Variants in TPD52 observed in about 807,000 individuals in gnomAD.
TPD52 encodes tumor protein D52, also known as prostate and colon associated protein.
In TPD52, 17 loss-of-function variants were observed where a neutral mutation model predicts 31.3. The observed-to-expected ratio is 0.54, with a 90% CI of 0.37 to 0.82. The LOEUF (loss-of-function observed/expected upper bound fraction) is 0.82. Among genes scored for constraint, TPD52 ranks in the 40% least tolerant of loss-of-function variants. The pLI, the probability that TPD52 is intolerant of heterozygous loss-of-function variation, is 0.00. For synonymous variants in TPD52, 83 were observed against 89.6 expected, an observed-to-expected ratio of 0.93 and a Z score of 0.42; for missense variants, 212 against 240.1, an observed-to-expected ratio of 0.88 and a Z score of 0.77.
At chr8:80,144,616 AG>A (rs1810067203) in intron 1 of TPD52, among the ~76,000 whole-genome samples, 1 of 152,196 alleles carries the variant, frequency 6.6e-6, no homozygotes, top group African/African-American at 2.4e-5. Context: ...TGGTCTTCCC[AG>A]GGAAGTTCAT....
chr8:80,077,984 T>C (rs1814790376), intron 1 of TPD52, among the ~76,000 whole-genome samples: 1 of 152,224 alleles, frequency 6.6e-6, no homozygotes, highest in African/African-American at 2.4e-5. Context: ...ACATCACATA[T>C]AGTAAGGAGA....
intron 1 of TPD52, among the ~76,000 whole-genome samples, chr8:80,069,604 A>G (rs1813544334): frequency 6.6e-6 from 1 of 152,234 alleles, no homozygotes; most frequent in Middle Eastern, 3.2e-3. Context: ...CAGCCTGGGC[A>G]ACGTGGTGAA....
chr8:80,088,377 T>A (rs1217109737), intron 1 of TPD52, among the ~76,000 whole-genome samples: 1 of 152,234 alleles, frequency 6.6e-6, no homozygotes, highest in East Asian at 1.9e-4. Flanking sequence ...CATTAGAATT[T>A]ATTTAATCCC....
chr8:80,044,427 C>A lies in TPD52; in HGVS notation c.414-219G>T, dbSNP rs74875812. Among the ~76,000 whole-genome samples the A allele has an allele frequency of 6.0e-3, 908 of 152,282 alleles. 11 individuals carry two copies. Among genetic ancestry groups the A allele is most frequent in the African/African-American group, 0.021 (878 of 41,550 alleles). On this transcript the variant is annotated intron_variant, in intron 5 of 7. Coordinates refer to ENST00000518937, the MANE Select transcript of TPD52 (RefSeq NM_001025253.3). ...CCAGGAGTTACTAGAGCTAACAATACCACCTTGCATTTTTACAGCACTTTG... is the reference window on the plus strand; with the variant it reads ...CCAGGAGTTACTAGAGCTAACAATAACACCTTGCATTTTTACAGCACTTTG...
chr8:80,093,464 T>C (rs1194953124), intron 1 of TPD52, among the ~76,000 whole-genome samples: 2 of 152,208 alleles, frequency 1.3e-5, no homozygotes, highest in African/African-American at 4.8e-5. Context: ...ACTTCCACAA[T>C]GCTTACACAG....
At chr8:80,039,105 GCTCAAT>G (rs1220061130) in intron 7 of TPD52, among the ~76,000 whole-genome samples, 1 of 152,106 alleles carries the variant, frequency 6.6e-6, no homozygotes, top group Non-Finnish European at 1.5e-5. Flanking sequence ...CTTGCTCTTA[GCTCAAT>G]CTTAATTGAG....
intron 1 of TPD52, among the ~76,000 whole-genome samples, chr8:80,086,877 C>CAAAAAAAA (rs58864911): frequency 7.7e-4 from 59 of 76,570 alleles, no homozygotes; most frequent in Non-Finnish European, 1.1e-3. Context: ...GCTGTCTCAA[C>CAAAAAAAA]AAAAAAAAAA....
chr8:80,061,663 G>C (rs1812571206), intron 2 of TPD52, among the ~76,000 whole-genome samples: 1 of 152,132 alleles, frequency 6.6e-6, no homozygotes, highest in Non-Finnish European at 1.5e-5. Context: ...TAGCATGGGT[G>C]ACAGAGCAAT....
At chr8:80,145,776 C>T (rs1586390477) in intron 1 of TPD52, among the ~76,000 whole-genome samples, 1 of 151,998 alleles carries the variant, frequency 6.6e-6, no homozygotes, top group South Asian at 2.1e-4. Flanking sequence ...TTCACTTGTC[C>T]GAGATGAAAG....
chr8:80,135,818 T>C (rs62516117), intron 1 of TPD52, among the ~76,000 whole-genome samples: 4 of 108,402 alleles, frequency 3.7e-5, no homozygotes, highest in African/African-American at 1.4e-4. Context: ...AATGATGAGT[T>C]CATGTCCTTT....
rs78490497 is a variant in TPD52 at position 80,115,655 on chromosome 8, A to C, written c.20-51062T>G. ...GAAGACTGCTGTATCCCCAAAACAT[A>C]AACTTAACTGTGTGGCTAGTCCTAC... On this transcript the variant is annotated intron_variant, in intron 1 of 7. Transcript: ENST00000518937. Among the ~76,000 whole-genome samples, 778 of 152,298 alleles carry C rather than the reference A, an allele frequency of 5.1e-3. 7 individuals carry two copies. Among genetic ancestry groups the C allele is most frequent in the African/African-American group, 0.018 (741 of 41,568 alleles).
At chr8:80,056,025 T>C (rs1296799177) in intron 2 of TPD52, among the ~76,000 whole-genome samples, 1 of 152,082 alleles carries the variant, frequency 6.6e-6, no homozygotes, top group African/African-American at 2.4e-5. Flanking sequence ...AATCCAGCAA[T>C]CCCACTACTG....
chr8:80,063,342 C>G (rs1255504542), intron 2 of TPD52, among the ~76,000 whole-genome samples: 1 of 152,138 alleles, frequency 6.6e-6, no homozygotes, highest in Non-Finnish European at 1.5e-5. Flanking sequence ...AACCAGAAGA[C>G]AGTTAAATCC....
intron 1 of TPD52, among the ~76,000 whole-genome samples, chr8:80,124,981 A>G (rs146662930): frequency 2.5e-4 from 38 of 152,322 alleles, no homozygotes; most frequent in African/African-American, 8.7e-4. Flanking sequence ...CGATAAACCT[A>G]CACTGATACA....
intron 1 of TPD52, among the ~76,000 whole-genome samples, chr8:80,067,775 A>G (rs1467405335): frequency 1.3e-5 from 2 of 151,674 alleles, no homozygotes; most frequent in Non-Finnish European, 2.9e-5. Flanking sequence ...GACCCTAAAA[A>G]GTGAAAGAAT....
At chr8:80,133,519 T>C (rs1345954841) in intron 1 of TPD52, among the ~76,000 whole-genome samples, 1 of 152,198 alleles carries the variant, frequency 6.6e-6, no homozygotes, top group East Asian at 1.9e-4. Context: ...TACCACCACT[T>C]TCTCCAGTTG....
intron 1 of TPD52, among the ~76,000 whole-genome samples, chr8:80,133,506 C>G (rs1406259364): frequency 2.6e-5 from 4 of 152,202 alleles, no homozygotes; most frequent in Non-Finnish European, 4.4e-5. Flanking sequence ...CTCTTATTAA[C>G]ACTACCACCA....
At chr8:80,079,205 A>G (rs1814949081) in intron 1 of TPD52, among the ~76,000 whole-genome samples, 1 of 152,180 alleles carries the variant, frequency 6.6e-6, no homozygotes, top group Admixed American at 6.5e-5. Context: ...CAGAGGTCTG[A>G]GGGGGGCCAC....
chr8:80,059,842 A>G (rs955080831), intron 2 of TPD52, among the ~76,000 whole-genome samples: 7 of 152,070 alleles, frequency 4.6e-5, no homozygotes, highest in African/African-American at 1.7e-4. Context: ...CAACGGAGTG[A>G]GGCTCCATCT....
Sources: allele counts gnomAD v4.1 joint callset (sites outside exome capture counted in the v4.1 genomes callset), GRCh38; gene constraint gnomAD v4.1.1; transcripts MANE v1.5; gene names NCBI Gene and HGNC (gene_info 2026-07-23, HGNC 2026-07-21).